Variants in SRGAP1 observed in about 807,000 individuals in gnomAD.
The protein encoded by SRGAP1 is SLIT-ROBO Rho GTPase-activating protein 1.
Under a neutral mutation model 121.9 loss-of-function variants are expected in SRGAP1, and 43 were observed. The observed-to-expected ratio is 0.35, with a 90% CI of 0.28 to 0.46. The LOEUF is 0.46. Ranked by LOEUF, SRGAP1 falls within the 20% of genes least tolerant of loss-of-function variation. The probability of loss-of-function intolerance (pLI) is 1.00; values close to 1 mark genes in which losing one functional copy is unlikely to be tolerated. For synonymous variants in SRGAP1, 447 were observed against 485.4 expected (o/e 0.92, Z 1.04); for missense variants, 1,102 against 1,350.9 (o/e 0.82, Z 2.89).
intron 1 of SRGAP1, among the ~76,000 whole-genome samples, chr12:63,860,916 G>T (rs1182497348): frequency 2.0e-5 from 3 of 150,846 alleles, no homozygotes; most frequent in Non-Finnish European, 4.4e-5. Context: ...GTGCATTATA[G>T]CCTGGAACTC....
chr12:63,986,462 C>T (rs565947000), intron 2 of SRGAP1, among the ~76,000 whole-genome samples: 21 of 150,152 alleles, frequency 1.4e-4, no homozygotes, highest in Non-Finnish European at 3.0e-4. Context: ...TTTGCTCTGT[C>T]GCCCAGGCTG....
chr12:64,121,304 C>T (rs1353086597), intron 18 of SRGAP1, among the ~76,000 whole-genome samples: 2 of 152,114 alleles, frequency 1.3e-5, no homozygotes, highest in Admixed American at 6.6e-5. Context: ...ACCCACGCCC[C>T]GCCTTCCTTG....
intron 1 of SRGAP1, among the ~76,000 whole-genome samples, chr12:63,889,977 A>C (rs1900522888): frequency 6.6e-6 from 1 of 151,644 alleles, no homozygotes; most frequent in Non-Finnish European, 1.5e-5. Flanking sequence ...TTAATCATTC[A>C]TTTGCTTTAT....
intron 1 of SRGAP1, among the ~76,000 whole-genome samples, chr12:63,904,650 G>C (rs1056305043): frequency 1.3e-5 from 2 of 152,118 alleles, no homozygotes; most frequent in South Asian, 2.1e-4. Flanking sequence ...ACAGAGTATG[G>C]CTGGGTGCAG....
intron 1 of SRGAP1, among the ~76,000 whole-genome samples, chr12:63,890,956 A>T (rs1285218754): frequency 1.3e-5 from 2 of 152,350 alleles, no homozygotes; most frequent in Non-Finnish European, 2.9e-5. Context: ...CCTTTTCTAA[A>T]GGAAGCTCTG....
chr12:63,903,070 T>C (rs2030012946), intron 1 of SRGAP1, among the ~76,000 whole-genome samples: 1 of 152,138 alleles, frequency 6.6e-6, no homozygotes, highest in Non-Finnish European at 1.5e-5. Flanking sequence ...CTATTATATA[T>C]ATATATATAA....
At chr12:63,965,738 AT>A (rs1381919046) in intron 1 of SRGAP1, among the ~76,000 whole-genome samples, 1 of 152,204 alleles carries the variant, frequency 6.6e-6, no homozygotes, top group East Asian at 1.9e-4. Flanking sequence ...TGAATGGGTG[AT>A]TTCCCTCCTT....
At chr12:64,014,132 G>A (rs945543405) in intron 3 of SRGAP1, among the ~76,000 whole-genome samples, 1 of 152,194 alleles carries the variant, frequency 6.6e-6, no homozygotes, top group African/African-American at 2.4e-5. Flanking sequence ...TATGAGATAA[G>A]TACAATGCCT....
At chr12:63,981,597 T>G (rs943536214) in intron 1 of SRGAP1, among the ~76,000 whole-genome samples, 13 of 152,330 alleles carry the variant, frequency 8.5e-5, no homozygotes, top group Admixed American at 7.2e-4. Context: ...AATACTGTAT[T>G]GGAAAACACT....
rs142272704 is a variant in SRGAP1, at chr12:63,962,667, C to T, written c.68-21280C>T. Among the ~76,000 whole-genome samples, 796 of 152,240 alleles carry T rather than the reference C, an allele frequency of 5.2e-3. 5 individuals carry two copies. The highest frequency in any genetic ancestry group is 0.018 in the African/African-American group (732 of 41,540). On this transcript the variant is annotated intron_variant, in intron 1 of 21. Coordinates refer to ENST00000355086, the MANE Select transcript of SRGAP1 (RefSeq NM_020762.4). Reference sequence around the variant, plus strand: ...AGGTGATCTGTCCGCTTTGACCTCCCGAAGTGCTGGGATTACAGGTGTGAG... The same window carrying T: ...AGGTGATCTGTCCGCTTTGACCTCCTGAAGTGCTGGGATTACAGGTGTGAG...
At chr12:63,883,527 G>T (rs532998028) in intron 1 of SRGAP1, among the ~76,000 whole-genome samples, 1 of 152,092 alleles carries the variant, frequency 6.6e-6, no homozygotes. Context: ...ATACAAAATT[G>T]TTGAACATGT....
intron 1 of SRGAP1, among the ~76,000 whole-genome samples, chr12:63,980,781 A>G (rs1355821828): frequency 1.3e-5 from 2 of 151,846 alleles, no homozygotes; most frequent in Non-Finnish European, 2.9e-5. Context: ...TTTAGTAGAG[A>G]CAGGGTTTCA....
intron 1 of SRGAP1, chr12:63,871,774 A>G: frequency 3.2e-6 from 4 of 1,261,082 alleles, no homozygotes; most frequent in African/African-American, 1.5e-5. Flanking sequence ...CTTTTCTTAT[A>G]TCCTCCCAGT....
rs1031912133 is a variant in SRGAP1 at position 63,980,463 on chromosome 12, A to T, written c.68-3484A>T. On this transcript the variant is annotated intron_variant, in intron 1 of 21. Coordinates refer to ENST00000355086, the MANE Select transcript of SRGAP1 (RefSeq NM_020762.4). ...AAATTCTTTGGTGCTGATTAAGGTG[A>T]GCACAAATCTAGTGAAGTCATATTA... Among the ~76,000 whole-genome samples the T allele has an allele frequency of 3.9e-5, 6 of 152,170 alleles. No homozygotes were observed. In the East Asian group the frequency reaches 1.2e-3, roughly 29 times the overall value.
chr12:64,023,874 A>G (rs2034600988), intron 4 of SRGAP1, among the ~76,000 whole-genome samples: 3 of 152,228 alleles, frequency 2.0e-5, no homozygotes, highest in Non-Finnish European at 1.5e-5. Context: ...TAATTAGCTC[A>G]GGATCATACA....
rs1219306078 is a variant in SRGAP1, at chr12:64,120,259, T to TTTGTAAA, written c.2224+4369_2224+4375dup. On this transcript the variant is annotated intron_variant, in intron 18 of 21. Coordinates refer to ENST00000355086, the MANE Select transcript of SRGAP1 (RefSeq NM_020762.4). ...TCATTGAGTCTTATTTTCCACTGTG[T>TTTGTAAA]TTGTAAATTTTGTACAGATTTCTTG... Among the ~76,000 whole-genome samples the TTTGTAAA allele has an allele frequency of 3.9e-5, 6 of 152,284 alleles. No homozygotes were observed. In the East Asian group the frequency reaches 7.7e-4, roughly 20 times the overall value.
At chr12:63,946,008 T>C (rs1474846596) in intron 1 of SRGAP1, among the ~76,000 whole-genome samples, 1 of 152,188 alleles carries the variant, frequency 6.6e-6, no homozygotes, top group Non-Finnish European at 1.5e-5. Context: ...CATACCTTCC[T>C]ACCTGGTTCA....
At chr12:63,932,155 C>T (rs980369014) in intron 1 of SRGAP1, among the ~76,000 whole-genome samples, 5 of 152,154 alleles carry the variant, frequency 3.3e-5, no homozygotes, top group African/African-American at 1.2e-4. Flanking sequence ...GTGGCACATG[C>T]CTGTAATCCC....
At chr12:63,940,365 C>G (rs1332607359) in intron 1 of SRGAP1, among the ~76,000 whole-genome samples, 1 of 150,674 alleles carries the variant, frequency 6.6e-6, no homozygotes, top group African/African-American at 2.4e-5. Flanking sequence ...ATGTCAAATG[C>G]CTCTTTCTCA....
Sources: gnomAD v4.1 joint callset for allele counts (sites outside exome capture counted in the v4.1 genomes callset) on GRCh38, gnomAD v4.1.1 for gene constraint, MANE v1.5 for transcripts, NCBI Gene and HGNC (gene_info 2026-07-23, HGNC 2026-07-21) for gene names.